The following TCF12 variants were observed in gnomAD, a reference collection of about 807,000 sequenced individuals.
The protein encoded by TCF12 is DNA-binding protein HTF4.
In TCF12, 45 loss-of-function variants were observed where a neutral mutation model predicts 86.0. That is an observed-to-expected ratio of 0.52 (90% CI 0.41 to 0.67). The LOEUF is 0.67. Among genes scored for constraint, TCF12 ranks in the 30% least tolerant of loss-of-function variants. TCF12 has a pLI of 0.00. For synonymous variants in TCF12, 330 were observed against 299.6 expected (o/e 1.10, Z -1.05); for missense variants, 881 against 859.9 (o/e 1.02, Z -0.31).
At chr15:57,037,636 C>T (rs1290919918) in intron 3 of TCF12, among the ~76,000 whole-genome samples, 1 of 152,168 alleles carries the variant, frequency 6.6e-6, no homozygotes, top group Non-Finnish European at 1.5e-5. Flanking sequence ...TTCTTATGAG[C>T]ATATGTTCCG....
chr15:57,075,812 C>T (rs11071304), intron 4 of TCF12, among the ~76,000 whole-genome samples: 1,121 of 42,964 alleles, frequency 0.026, 18 homozygotes, highest in Middle Eastern at 0.095. Flanking sequence ...CTTTCTCTCT[C>T]TCTCTCTCTC....
intron 5 of TCF12, among the ~76,000 whole-genome samples, chr15:57,150,384 G>A (rs1306589401): frequency 6.6e-6 from 1 of 152,178 alleles, no homozygotes; most frequent in East Asian, 1.9e-4. Flanking sequence ...AACAGGGCAT[G>A]TGTAGTCTTC....
chr15:56,970,745 CAGAT>C lies in TCF12; in HGVS notation c.148+49651_148+49654del, dbSNP rs537680512. ...AAACAGTAATTACAAAGTCAAAAGA[CAGAT>C]AGAAAATTGGAAGAAAACAGCTGGG... On this transcript the variant is annotated intron_variant, in intron 3 of 20. Coordinates refer to ENST00000333725, the MANE Select transcript of TCF12 (RefSeq NM_207037.2). Among the ~76,000 whole-genome samples the C allele has an allele frequency of 2.2e-3, 339 of 151,776 alleles. 2 individuals are homozygous for C. The highest frequency in any genetic ancestry group is 8.0e-3 in the African/African-American group (332 of 41,400).
intron 3 of TCF12, among the ~76,000 whole-genome samples, chr15:57,021,823 A>G (rs573291685): frequency 6.6e-6 from 1 of 151,996 alleles, no homozygotes; most frequent in African/African-American, 2.4e-5. Context: ...TGGAGGGCCG[A>G]CTTTTCCTAT....
At chr15:57,214,157 CT>C (rs1566926608) in intron 8 of TCF12, 2 of 152,030 alleles carry the variant, frequency 1.3e-5, no homozygotes, top group African/African-American at 4.8e-5. Context: ...GGGACCCCCC[CT>C]CTTTAATTTT....
At chr15:57,009,212 A>C (rs1436419297) in intron 3 of TCF12, among the ~76,000 whole-genome samples, 1 of 152,144 alleles carries the variant, frequency 6.6e-6, no homozygotes, top group Non-Finnish European at 1.5e-5. Flanking sequence ...GGGCTCAAGC[A>C]GTCCTCCCAC....
intron 3 of TCF12, among the ~76,000 whole-genome samples, chr15:56,932,669 A>G (rs2060299917): frequency 6.6e-6 from 1 of 151,926 alleles, no homozygotes; most frequent in South Asian, 2.1e-4. Context: ...TCCGGGTTCA[A>G]GCGATTTTTG....
intron 5 of TCF12, among the ~76,000 whole-genome samples, chr15:57,103,756 C>T (rs2049922888): frequency 6.6e-6 from 1 of 152,124 alleles, no homozygotes. Context: ...CTCATTAAAA[C>T]TTACCTTTCA....
At chr15:57,239,991 A>G (rs1002382340) in intron 12 of TCF12, among the ~76,000 whole-genome samples, 2 of 152,226 alleles carry the variant, frequency 1.3e-5, no homozygotes, top group Non-Finnish European at 2.9e-5. Context: ...TACTATTACC[A>G]AGAGATAAAG....
chr15:57,239,826 C>T (rs1432528626), intron 12 of TCF12, among the ~76,000 whole-genome samples: 1 of 151,988 alleles, frequency 6.6e-6, no homozygotes, highest in Non-Finnish European at 1.5e-5. Context: ...GGATGGGAAG[C>T]TTGGGGTGGT....
At chr15:57,108,557 G>C (rs1442548500) in intron 5 of TCF12, among the ~76,000 whole-genome samples, 1 of 151,970 alleles carries the variant, frequency 6.6e-6, no homozygotes, top group Non-Finnish European at 1.5e-5. Flanking sequence ...TGGCTCTACA[G>C]GTAGAGTTTG....
chr15:57,193,071 A>G (rs1191052276), intron 7 of TCF12, among the ~76,000 whole-genome samples: 1 of 152,196 alleles, frequency 6.6e-6, no homozygotes, highest in East Asian at 1.9e-4. Context: ...GTGGTTTTAT[A>G]TACATTCTCA....
At chr15:57,216,518 G>A (rs1341102411) in intron 8 of TCF12, among the ~76,000 whole-genome samples, 2 of 144,476 alleles carry the variant, frequency 1.4e-5, no homozygotes, top group Non-Finnish European at 3.0e-5. Context: ...CAGCTGACTC[G>A]TTTTGTCAGA....
intron 5 of TCF12, among the ~76,000 whole-genome samples, chr15:57,153,478 A>T (rs1047404979): frequency 6.6e-6 from 1 of 152,206 alleles, no homozygotes; most frequent in Non-Finnish European, 1.5e-5. Flanking sequence ...AGCTCCAGAA[A>T]TGGTAATAAT....
At position 57,177,751 on chromosome 15, in the gene TCF12, C is replaced by T. The variant is rs868115515; in HGVS notation, c.390+11285C>T. On this transcript the variant is annotated intron_variant, in intron 6 of 20. Coordinates refer to ENST00000333725, the MANE Select transcript of TCF12 (RefSeq NM_207037.2). The stretch of plus-strand genomic sequence containing the variant: ...TTTATTTATTTTGTGAAACAGATCT[C>T]GCTCTGTCACCCAGGGCGGAGTGCA... 9.2e-5 allele frequency among the ~76,000 whole-genome samples: 14 copies of T among 151,790 alleles called. No individual in the cohort carries two copies. The Middle Eastern group carries it at 0.01, about 111-fold the overall frequency.
At chr15:57,151,173 G>A (rs1392059497) in intron 5 of TCF12, among the ~76,000 whole-genome samples, 1 of 145,648 alleles carries the variant, frequency 6.9e-6, no homozygotes, top group South Asian at 2.2e-4. Flanking sequence ...TAGAGACAGG[G>A]TCTTACTATG....
chr15:56,932,482 A>G (rs537655306), intron 3 of TCF12, among the ~76,000 whole-genome samples: 9 of 152,276 alleles, frequency 5.9e-5, no homozygotes, highest in Middle Eastern at 3.4e-3. Flanking sequence ...TCTGAAGCCA[A>G]GGTGACAAGA....
intron 5 of TCF12, among the ~76,000 whole-genome samples, chr15:57,134,703 A>G (rs72731943): frequency 0.053 from 8,065 of 152,308 alleles, 280 homozygotes; most frequent in South Asian, 0.08. Flanking sequence ...ATCAGATACA[A>G]TTAAGACTTC....
chr15:57,260,201 G>A (rs974293104), intron 16 of TCF12, among the ~76,000 whole-genome samples: 3 of 151,992 alleles, frequency 2.0e-5, no homozygotes, highest in Non-Finnish European at 4.4e-5. Flanking sequence ...AACAAATCTA[G>A]CACCCATTCT....
Sources: gnomAD v4.1 joint callset for allele counts (sites outside exome capture counted in the v4.1 genomes callset) on GRCh38, gnomAD v4.1.1 for gene constraint, MANE v1.5 for transcripts, NCBI Gene and HGNC (gene_info 2026-07-23, HGNC 2026-07-21) for gene names.